Variants in ATPAF2 observed in about 807,000 individuals in gnomAD.
ATPAF2 encodes ATP12 homolog.
A neutral mutation model predicts 36.6 loss-of-function variants in ATPAF2; 30 were observed. The ratio of observed to expected loss-of-function variants is 0.82; its 90% CI spans 0.61 to 1.11. ATPAF2 has a LOEUF of 1.11. Among genes scored for constraint, ATPAF2 ranks in the 50% most tolerant of loss-of-function variants. ATPAF2 has a pLI of 0.00. For synonymous variants in ATPAF2, 140 were observed against 152.6 expected (o/e 0.92, Z 0.61); for missense variants, 321 against 372.3 (o/e 0.86, Z 1.13).
intron 1 of ATPAF2, among the ~76,000 whole-genome samples, chr17:18,033,090 C>T (rs1316269053): frequency 2.0e-5 from 3 of 151,878 alleles, no homozygotes; most frequent in Non-Finnish European, 4.4e-5. Flanking sequence ...GATCTGGGGC[C>T]GGGCATGGTG....
chr17:18,024,739 A>G, intron 4 of ATPAF2, 35 bp from the exon 5 acceptor site: 1 of 1,565,520 alleles, frequency 6.4e-7, no homozygotes, highest in Non-Finnish European at 8.8e-7. Flanking sequence ...CATTAATAAA[A>G]AAGTACAATT....
intron 5 of ATPAF2, among the ~76,000 whole-genome samples, chr17:18,022,477 T>C (rs986884569): frequency 2.6e-5 from 4 of 152,048 alleles, no homozygotes; most frequent in African/African-American, 9.7e-5. Flanking sequence ...AGTTTCACCA[T>C]GTTGCTCGAG....
chr17:18,034,726 G>T (rs539384679), intron 1 of ATPAF2, among the ~76,000 whole-genome samples: 85 of 152,140 alleles, frequency 5.6e-4, no homozygotes, highest in Middle Eastern at 6.8e-3. Flanking sequence ...TCTACTCTTA[G>T]GTATATGTCC....
intron 1 of ATPAF2, among the ~76,000 whole-genome samples, chr17:18,030,868 T>C (rs1382802578): frequency 2.5e-4 from 33 of 133,804 alleles, no homozygotes; most frequent in African/African-American, 9.6e-4. Context: ...AGAGACGGGG[T>C]TTCACCGTGT....
chr17:18,027,829 G>A, intron 3 of ATPAF2: 1 of 287,564 alleles, frequency 3.5e-6, no homozygotes, highest in South Asian at 3.5e-5. Flanking sequence ...GAGTAAAACA[G>A]ACATGGCTCC....
chr17:18,023,127 C>CAA (rs772470040), intron 5 of ATPAF2, among the ~76,000 whole-genome samples: 20 of 104,766 alleles, frequency 1.9e-4, no homozygotes, highest in Admixed American at 3.0e-4. Flanking sequence ...AGACTCCTTT[C>CAA]AAAAAAAAAA....
At chr17:18,036,042 C>T (rs376755356) in intron 1 of ATPAF2, among the ~76,000 whole-genome samples, 1 of 152,212 alleles carries the variant, frequency 6.6e-6, no homozygotes, top group Non-Finnish European at 1.5e-5. Context: ...TAAACTGCCA[C>T]AACAACCTCA....
At chr17:18,019,607 C>T (rs568111789) in intron 7 of ATPAF2, among the ~76,000 whole-genome samples, 4 of 152,376 alleles carry the variant, frequency 2.6e-5, no homozygotes, top group Middle Eastern at 3.4e-3. Flanking sequence ...GAGGGAGGAA[C>T]GCTCAGACAC....
Position 18,028,663 on chromosome 17 carries a change from TAAGA to T in ATPAF2, c.134-8_134-5del. 1 of 1,613,118 alleles carries T rather than the reference TAAGA, an allele frequency of 6.2e-7. No individual in the cohort carries two copies. The highest frequency in any genetic ancestry group is 8.5e-7 in the Non-Finnish European group (1 of 1,179,756). On this transcript the variant is annotated splice_polypyrimidine_tract_variant and splice_region_variant and intron_variant, in intron 1 of 7. Transcript: ENST00000474627. ...TTCTGATAAAACCTCTTCCTTTCTG[TAAGA>T]AAGATTTTTCAAAGAGGCAGTTTAA...
intron 4 of ATPAF2, chr17:18,024,971 G>C: frequency 2.0e-6 from 1 of 491,352 alleles, no homozygotes; most frequent in Non-Finnish European, 3.7e-6. Flanking sequence ...GTTTTAACAA[G>C]CCCTCTAGGG....
downstream of ATPAF2, chr17:18,016,781 A>C: frequency 1.6e-6 from 1 of 608,190 alleles, no homozygotes; most frequent in South Asian, 2.2e-5. Flanking sequence ...GCATCTCTCA[A>C]CCGCGATCCC....
At position 18,024,722 on chromosome 17, in the gene ATPAF2, T is replaced by C. The variant is rs370469182; in HGVS notation, c.423-18A>G. On this transcript the variant is annotated intron_variant, in intron 4 of 7. Coordinates refer to ENST00000474627, the MANE Select transcript of ATPAF2 (RefSeq NM_145691.4). ...CCCTGTAGCTAATTCATTGTAAAAA[T>C]AACCTTCATTAATAAAAAAGTACAA... The C allele has an allele frequency of 1.3e-6, 2 of 1,596,626 alleles. No homozygotes were observed. The highest frequency in any genetic ancestry group is 1.7e-6 in the Non-Finnish European group (2 of 1,164,258).
chr17:18,036,596 A>T (rs1434084739), intron 1 of ATPAF2, among the ~76,000 whole-genome samples: 1 of 150,774 alleles, frequency 6.6e-6, no homozygotes, highest in East Asian at 2.0e-4. Flanking sequence ...AAAAGCATGC[A>T]TGGGCCTGAT....
At chr17:18,030,272 G>C (rs992317436) in intron 1 of ATPAF2, among the ~76,000 whole-genome samples, 2 of 133,438 alleles carry the variant, frequency 1.5e-5, no homozygotes, top group African/African-American at 5.7e-5. Flanking sequence ...AGTGAGCTGA[G>C]ATCACGCCAC....
chr17:18,021,229 A>G lies in ATPAF2; in HGVS notation c.626T>C (p.Phe209Ser). 6.2e-7 allele frequency: 1 copy of G among 1,613,184 alleles called. No homozygotes were observed. The highest frequency in any genetic ancestry group is 1.1e-5 in the South Asian group (1 of 90,878). ...YNTWALQGIEFVAAQLKSMVL... is the reference protein window; with the variant it reads ...YNTWALQGIESVAAQLKSMVL... The stretch of plus-strand genomic sequence containing the variant: ...CATGGACTTGAGCTGGGCAGCTACA[A>G]ACTCAATCCCTGCAGGGACACAAGC... Residue 209 changes from phenylalanine to serine, a missense_variant, in exon 7 of 8, where the codon TTT becomes TCT. Physicochemically the swap from Phe to Ser is radical, Grantham distance 155 (BLOSUM62 -2). Around this residue, in one of 3 missense-constraint regions of ATPAF2, gnomAD observed 199 missense variants for 220.6 expected, o/e 0.90. Transcript: ENST00000474627.
chr17:18,026,929 T>G (rs1364393286), intron 3 of ATPAF2, among the ~76,000 whole-genome samples: 2 of 152,164 alleles, frequency 1.3e-5, no homozygotes, highest in African/African-American at 4.8e-5. Flanking sequence ...GGATCAAGAT[T>G]ATTTTTTTCG....
Position 18,018,200 on chromosome 17 carries a change from C to G in ATPAF2, c.*349G>C. ...AGATAAGCTGTTTAACCCTCTGGAA[C>G]CTAGACAAAACAGGAAGAATGGAGA... On this transcript the variant is annotated 3_prime_UTR_variant, in exon 8 of 8. Coordinates refer to ENST00000474627, the MANE Select transcript of ATPAF2 (RefSeq NM_145691.4). The G allele has an allele frequency of 2.7e-6, 1 of 364,284 alleles. No homozygotes were observed. Among genetic ancestry groups the G allele is most frequent in the Non-Finnish European group, 5.3e-6 (1 of 189,218 alleles). 22.6% of individuals were successfully genotyped at this position (364,284 alleles called of 1,614,324 possible). A position where few individuals can be genotyped will look rare whatever the true frequency, so the allele number is the denominator to read the frequency against.
intron 1 of ATPAF2, among the ~76,000 whole-genome samples, chr17:18,035,491 A>G (rs1322560626): frequency 6.6e-6 from 1 of 152,256 alleles, no homozygotes. Context: ...AAATATACTA[A>G]AAACTATTAT....
chr17:18,036,842 C>T (rs929885256), intron 1 of ATPAF2, among the ~76,000 whole-genome samples: 8 of 151,414 alleles, frequency 5.3e-5, no homozygotes, highest in African/African-American at 1.5e-4. Flanking sequence ...GAGGCTGAGG[C>T]GGGAGGATCA....
Sources: gnomAD v4.1 joint callset for allele counts (sites outside exome capture counted in the v4.1 genomes callset) on GRCh38, gnomAD v4.1.1 for gene constraint, gnomAD v4.1.1 regional missense constraint, MANE v1.5 for transcripts, NCBI Gene and HGNC (gene_info 2026-07-23, HGNC 2026-07-21) for gene names.